The following TMEM65 variants were observed in gnomAD, a reference collection of about 807,000 sequenced individuals.
TMEM65 encodes the protein transmembrane protein 65.
TMEM65 carries 22 observed loss-of-function variants against 25.4 expected under a neutral mutation model. That is an observed-to-expected ratio of 0.86 (90% confidence interval 0.62 to 1.23). The LOEUF is 1.23. Ranked by LOEUF, TMEM65 falls within the 50% of genes most tolerant of loss-of-function variation. The pLI is 0.00. For synonymous variants in TMEM65, 132 were observed against 126.2 expected (o/e 1.05, Z -0.31); for missense variants, 262 against 308.2 (o/e 0.85, Z 1.12).
chr8:124,363,268 T>C (rs935248971), intron 1 of TMEM65, among the ~76,000 whole-genome samples: 5 of 152,200 alleles, frequency 3.3e-5, no homozygotes, highest in African/African-American at 9.7e-5. Flanking sequence ...TGTTTAATCT[T>C]CTTTGAGTTA....
intron 1 of TMEM65, among the ~76,000 whole-genome samples, chr8:124,331,740 T>G (rs1814434611): frequency 6.6e-6 from 1 of 151,674 alleles, no homozygotes; most frequent in African/African-American, 2.4e-5. Flanking sequence ...ACCCATAGAG[T>G]GGATCACTCT....
At chr8:124,354,689 T>C (rs1814757263) in intron 1 of TMEM65, among the ~76,000 whole-genome samples, 1 of 152,166 alleles carries the variant, frequency 6.6e-6, no homozygotes, top group Non-Finnish European at 1.5e-5. Flanking sequence ...TAGCTGAGGC[T>C]TCCACTGAAA....
At chr8:124,368,056 T>C in intron 1 of TMEM65, among the ~76,000 whole-genome samples, 1 of 152,096 alleles carries the variant, frequency 6.6e-6, no homozygotes, top group East Asian at 1.9e-4. Context: ...CCAGTTCTTG[T>C]CTCTCTGTGT....
intron 1 of TMEM65, among the ~76,000 whole-genome samples, chr8:124,334,254 A>G (rs1256750562): frequency 6.6e-6 from 1 of 152,196 alleles, no homozygotes; most frequent in Non-Finnish European, 1.5e-5. Flanking sequence ...AATGTGACCC[A>G]TTTTCAGAAG....
chr8:124,354,314 TTGG>T (rs1814749504), intron 1 of TMEM65, among the ~76,000 whole-genome samples: 1 of 152,158 alleles, frequency 6.6e-6, no homozygotes, highest in African/African-American at 2.4e-5. Context: ...ACTGAGATAA[TTGG>T]TGGAATTTGA....
intron 1 of TMEM65, among the ~76,000 whole-genome samples, chr8:124,358,198 T>C (rs1182522736): frequency 1.3e-5 from 2 of 152,178 alleles, no homozygotes; most frequent in Non-Finnish European, 1.5e-5. Context: ...TTCGCATCAG[T>C]ATATTAATCT....
intron 1 of TMEM65, among the ~76,000 whole-genome samples, chr8:124,340,431 G>T (rs750244956): frequency 6.6e-6 from 1 of 152,102 alleles, no homozygotes; most frequent in Non-Finnish European, 1.5e-5. Context: ...AATAGGAAAT[G>T]ACCCAAATGA....
At chr8:124,326,671 G>A (rs1395463030) in intron 3 of TMEM65, among the ~76,000 whole-genome samples, 1 of 151,984 alleles carries the variant, frequency 6.6e-6, no homozygotes, top group Non-Finnish European at 1.5e-5. Context: ...GGCAGTTTTT[G>A]AAGACTTGCA....
chr8:124,339,365 CA>C (rs11320495), intron 1 of TMEM65, among the ~76,000 whole-genome samples: 53,486 of 147,712 alleles, frequency 0.36, 10,031 homozygotes, highest in East Asian at 0.56. Flanking sequence ...CAAGCTATAG[CA>C]AAAAAGTTAT....
At chr8:124,357,662 A>T (rs917509020) in intron 1 of TMEM65, among the ~76,000 whole-genome samples, 1 of 152,104 alleles carries the variant, frequency 6.6e-6, no homozygotes, top group African/African-American at 2.4e-5. Context: ...TTACCAGTAC[A>T]TCCAGTTAGT....
At chr8:124,365,814 G>A (rs1814931052) in intron 1 of TMEM65, among the ~76,000 whole-genome samples, 1 of 152,188 alleles carries the variant, frequency 6.6e-6, no homozygotes, top group Admixed American at 6.5e-5. Flanking sequence ...ACAGAGCCTT[G>A]CTGACACTTT....
chr8:124,335,235 G>T (rs1043346674), intron 1 of TMEM65, among the ~76,000 whole-genome samples: 4 of 152,078 alleles, frequency 2.6e-5, no homozygotes, highest in African/African-American at 9.7e-5. Flanking sequence ...GAAAATGGGC[G>T]TCAGTCCAGT....
In TMEM65 at chr8:124,371,844, C is replaced by A; in HGVS notation, c.304+10G>T. The A allele has an allele frequency of 6.6e-7, 1 of 1,517,028 alleles. No individual in the cohort carries two copies. The highest frequency in any genetic ancestry group is 8.8e-7 in the Non-Finnish European group (1 of 1,138,270). The allele number at this position is 1,517,028 out of a possible 1,614,324, so 94.0% of individuals were successfully genotyped here. On this transcript the variant is annotated intron_variant, in intron 1 of 6. Coordinates refer to ENST00000297632, the MANE Select transcript of TMEM65 (RefSeq NM_194291.3). ...GGCCCCCGGGCTCGCCCCCCACCTG[C>A]CCCCCTTACCTTGGGCAATGGCAAT...
chr8:124,355,672 C>G (rs976397508), intron 1 of TMEM65, among the ~76,000 whole-genome samples: 2 of 152,164 alleles, frequency 1.3e-5, no homozygotes, highest in Non-Finnish European at 2.9e-5. Context: ...TAATGAAACA[C>G]AGTCAAATTC....
chr8:124,313,480 T>C lies in TMEM65; in HGVS notation c.*480A>G, dbSNP rs570151096. ...GACTGAAATTATATTATTATAAATG[T>C]TTACTGCATAACAGTACAAAATTGA... On this transcript the variant is annotated 3_prime_UTR_variant, in exon 7 of 7. Coordinates refer to ENST00000297632, the MANE Select transcript of TMEM65 (RefSeq NM_194291.3). The C allele has an allele frequency of 1.3e-5, 2 of 152,294 alleles. No individual in the cohort carries two copies. The highest frequency in any genetic ancestry group is 4.1e-4 in the South Asian group (2 of 4,832). 9.4% of individuals were successfully genotyped at this position (152,294 alleles called of 1,614,324 possible). A position where few individuals can be genotyped will look rare whatever the true frequency, so the allele number is the denominator to read the frequency against.
At chr8:124,339,711 T>C (rs1055565728) in intron 1 of TMEM65, among the ~76,000 whole-genome samples, 1 of 152,002 alleles carries the variant, frequency 6.6e-6, no homozygotes, top group African/African-American at 2.4e-5. Context: ...GGATTCAGGA[T>C]TGGATTGGAT....
chr8:124,352,420 G>A (rs2131220451), intron 1 of TMEM65, among the ~76,000 whole-genome samples: 1 of 150,988 alleles, frequency 6.6e-6, no homozygotes, highest in South Asian at 2.1e-4. Flanking sequence ...AAAGGAACAA[G>A]ATTCTCTTTC....
chr8:124,323,736 A>G (rs1348462123), intron 3 of TMEM65, among the ~76,000 whole-genome samples: 2 of 152,084 alleles, frequency 1.3e-5, no homozygotes, highest in African/African-American at 4.8e-5. Context: ...TAAATTCTGA[A>G]CTATACATCT....
chr8:124,348,779 C>A (rs553089902), intron 1 of TMEM65, among the ~76,000 whole-genome samples: 23 of 152,130 alleles, frequency 1.5e-4, no homozygotes, highest in Non-Finnish European at 2.6e-4. Flanking sequence ...AATAAGAATT[C>A]TTTCACAGAA....
Sources: allele counts gnomAD v4.1 joint callset (sites outside exome capture counted in the v4.1 genomes callset), GRCh38; gene constraint gnomAD v4.1.1; transcripts MANE v1.5; gene names NCBI Gene and HGNC (gene_info 2026-07-23, HGNC 2026-07-21).